Variants in GPD1 observed in about 807,000 individuals in gnomAD.
GPD1 encodes the protein glycerol-3-phosphate dehydrogenase 1, also known as glycerol-3-phosphate dehydrogenase [NAD(+)], cytoplasmic.
A neutral mutation model predicts 34.4 loss-of-function variants in GPD1; 19 were observed. The ratio of observed to expected loss-of-function variants is 0.55; its 90% confidence interval spans 0.39 to 0.81. GPD1 has a LOEUF of 0.81. Among genes scored for constraint, GPD1 ranks in the 30% least tolerant of loss-of-function variants. GPD1 has a pLI of 0.00. For synonymous variants in GPD1, 172 were observed against 174.1 expected, an observed-to-expected ratio of 0.99 and a Z score of 0.09; for missense variants, 429 against 447.0, an observed-to-expected ratio of 0.96 and a Z score of 0.36.
Position 50,104,738 on chromosome 12 carries a change from T to C in GPD1, c.206T>C (p.Leu69Ser). The C allele has an allele frequency of 6.2e-7, 1 of 1,613,848 alleles. No individual in the cohort carries two copies. The change falls in exon 2 of 8, where the codon TTG becomes TCG. Residue 69 changes from leucine (L) to serine (S), a missense_variant. Transcript: ENST00000301149. ...GTCAAATACCTGCCAGGGCACAAGTTGCCCCCAAATGTGGTGAGCCCCAAC... is the reference window on the plus strand; with the variant it reads ...GTCAAATACCTGCCAGGGCACAAGTCGCCCCCAAATGTGGTGAGCCCCAAC... ...ENVKYLPGHK[L>S]PPNVVAVPDV... is the part of the protein sequence containing the mutation.
In GPD1 at chr12:50,104,703, G is replaced by T. The variant is rs1269312254; in HGVS notation, c.171G>T (p.Gln57His). ...AGCTGACTGAGATCATCAACACGCA[G>T]CATGAGAATGTCAAATACCTGCCAG... ...GKKLTEIINT[Q>H]HENVKYLPGH... Residue 57 changes from glutamine to histidine, a missense_variant, in exon 2 of 8, where the codon CAG becomes CAT. Coordinates refer to ENST00000301149, the MANE Select transcript of GPD1 (RefSeq NM_005276.4). 6.2e-7 allele frequency: 1 copy of T among 1,614,164 alleles called. No homozygotes were observed. Among genetic ancestry groups the T allele is most frequent in the Admixed American group, 1.7e-5 (1 of 60,024 alleles).
At chr12:50,107,837 CTG>C (rs780076302) in intron 6 of GPD1, 37 bp downstream of exon 6, 3 of 1,440,380 alleles carry the variant, frequency 2.1e-6, no homozygotes, top group Non-Finnish European at 2.9e-6. Context: ...AGGGGCGGCT[CTG>C]TAGGCATCCA....
At chr12:50,106,500 T>C (rs1950979927) in intron 4 of GPD1, 74 bp downstream of exon 4, 7 of 1,324,562 alleles carry the variant, frequency 5.3e-6, no homozygotes, top group Non-Finnish European at 7.5e-6. Context: ...CAACCCCACT[T>C]AGCCATCTCT....
At chr12:50,107,841 A>T in intron 6 of GPD1, 41 bp downstream of exon 6, 1 of 1,397,590 alleles carries the variant, frequency 7.2e-7, no homozygotes, top group Non-Finnish European at 1.0e-6. Context: ...GCGGCTCTGT[A>T]GGCATCCAGG....
Position 50,106,818 on chromosome 12 carries a change from G to T in GPD1, c.513G>T (p.Pro171=), listed in dbSNP as rs753210151. 6.2e-7 allele frequency: 1 copy of T among 1,601,932 alleles called. No individual in the cohort carries two copies. The highest frequency in any genetic ancestry group is 8.5e-7 in the Non-Finnish European group (1 of 1,171,446). ...FCETTIGCKD[P]AQGQLLKELM... is the part of the protein sequence containing the mutation. ...TCCTCACTTTAGGCTGCAAGGACCC[G>T]GCCCAGGGACAACTCCTGAAAGAGC... Residue 171 remains proline, a synonymous_variant, in exon 5 of 8, where the codon CCG becomes CCT. Transcript: ENST00000301149.
chr12:50,104,777 CAG>C (rs760936674), intron 2 of GPD1, 26 bp downstream of exon 2: 6 of 1,600,304 alleles, frequency 3.7e-6, no homozygotes, highest in South Asian at 3.3e-5. Flanking sequence ...CTGCGAAGAA[CAG>C]GGAGAGGAAG....
chr12:50,105,241 C>A, intron 2 of GPD1: 1 of 377,054 alleles, frequency 2.7e-6, no homozygotes, highest in Non-Finnish European at 4.8e-6. Flanking sequence ...TGAGCTCTTT[C>A]TTTTGCCAAG....
At chr12:50,106,250 C>G in intron 3 of GPD1, 38 bp from the exon 4 acceptor site, 1 of 1,553,990 alleles carries the variant, frequency 6.4e-7, no homozygotes, top group African/African-American at 1.4e-5. Context: ...GCAGGTGGGC[C>G]CAAAGGGCAC....
At chr12:50,106,160 T>C in intron 3 of GPD1, 128 bp from the exon 4 acceptor site, 1 of 810,758 alleles carries the variant, frequency 1.2e-6, no homozygotes, top group Non-Finnish European at 1.9e-6. Flanking sequence ...TTGAGCTGGG[T>C]TGGAATGGGG....
Position 50,106,366 on chromosome 12 carries a change from C to T in GPD1, c.439C>T (p.Leu147=). Residue 147 remains leucine, a synonymous_variant, in exon 4 of 8, where the codon CTG becomes TTG. Coordinates refer to ENST00000301149, the MANE Select transcript of GPD1 (RefSeq NM_005276.4). ...GCGCCTCGGCATCCCCATGAGTGTGCTGATGGGGGCCAACATTGCCAGCGA... is the reference window on the plus strand; with the variant it reads ...GCGCCTCGGCATCCCCATGAGTGTGTTGATGGGGGCCAACATTGCCAGCGA... ...GERLGIPMSV[L]MGANIASEVA... 6.2e-7 allele frequency: 1 copy of T among 1,613,506 alleles called. No homozygotes were observed.
rs1264939042 is a variant in GPD1 at position 50,107,724 on chromosome 12, G to A, written c.770G>A (p.Gly257Asp). 2 of 1,614,134 alleles carry A rather than the reference G, an allele frequency of 1.2e-6. No individual in the cohort carries two copies. The highest frequency in any genetic ancestry group is 1.3e-5 in the African/African-American group (1 of 75,032). The change falls in exon 6 of 8, where the codon GGT becomes GAT. Residue 257 changes from glycine (G) to aspartate (D), a missense_variant. Gly to Asp is a moderately conservative substitution (Grantham distance 94). Coordinates refer to ENST00000301149, the MANE Select transcript of GPD1 (RefSeq NM_005276.4). The stretch of plus-strand genomic sequence containing the variant: ...TCTGCCACCTTCTTGGAGAGCTGTG[G>A]TGTTGCTGACCTGATCACTACCTGC... The part of the protein sequence containing the change: ...VSSATFLESC[G>D]VADLITTCYG...
intron 1 of GPD1, 84 bp downstream of exon 1, chr12:50,104,175 C>A (rs1047907964): frequency 2.4e-6 from 3 of 1,244,088 alleles, no homozygotes; most frequent in African/African-American, 2.9e-5. Context: ...GTGGGAAAGG[C>A]CCTCAGGTTC....
Position 50,104,769 on chromosome 12 carries a change from G to A in GPD1, c.219+18G>A. 3.1e-6 allele frequency: 5 copies of A among 1,607,430 alleles called. No individual in the cohort carries two copies. Among genetic ancestry groups the A allele is most frequent in the Non-Finnish European group, 4.3e-6 (5 of 1,174,900 alleles). Reference sequence around the variant, plus strand: ...CAAATGTGGTGAGCCCCAACACCCTGCGAAGAACAGGGAGAGGAAGGGAGG... The same window carrying A: ...CAAATGTGGTGAGCCCCAACACCCTACGAAGAACAGGGAGAGGAAGGGAGG... On this transcript the variant is annotated intron_variant, in intron 2 of 7. Coordinates refer to ENST00000301149, the MANE Select transcript of GPD1 (RefSeq NM_005276.4).
Position 50,107,466 on chromosome 12 carries a change from T to C in GPD1, c.613-101T>C, listed in dbSNP as rs2232208. The C allele has an allele frequency of 3.8e-3, 3,467 of 919,094 alleles. 73 individuals carry two copies. In the African/African-American group the frequency reaches 0.049, roughly 13 times the overall value. 56.9% of individuals were successfully genotyped at this position (919,094 alleles called of 1,614,324 possible). ...AAAAGGCCACACACTATACCTCTCT[T>C]CTGCAGTGGGTGTCACGGCTGATGA... On this transcript the variant is annotated intron_variant, in intron 5 of 7. Coordinates refer to ENST00000301149, the MANE Select transcript of GPD1 (RefSeq NM_005276.4).
rs767725156 is a variant in GPD1, at chr12:50,104,708, A to G, written c.176A>G (p.Glu59Gly). The stretch of plus-strand genomic sequence containing the variant: ...ACTGAGATCATCAACACGCAGCATG[A>G]GAATGTCAAATACCTGCCAGGGCAC... ...KLTEIINTQH[E>G]NVKYLPGHKL... Residue 59 changes from glutamate to glycine, a missense_variant, in exon 2 of 8, where the codon GAG (glutamate) becomes GGG (glycine). Transcript: ENST00000301149. 1.2e-6 allele frequency: 2 copies of G among 1,614,196 alleles called. No individual in the cohort carries two copies. Among genetic ancestry groups the G allele is most frequent in the Non-Finnish European group, 1.7e-6 (2 of 1,180,014 alleles).
At chr12:50,108,961 C>G (rs1034877530) in intron 7 of GPD1, among the ~76,000 whole-genome samples, 21 of 151,774 alleles carry the variant, frequency 1.4e-4, no homozygotes, top group African/African-American at 4.8e-4. Flanking sequence ...ATGGTGAAAC[C>G]CCATCTCTAC....
At chr12:50,105,512 T>G (rs1358619818) in intron 2 of GPD1, 36 bp from the exon 3 acceptor site, 1 of 1,595,788 alleles carries the variant, frequency 6.3e-7, no homozygotes, top group Non-Finnish European at 8.5e-7. Context: ...CTAGGGGAGG[T>G]CTGCCAGGCC....
In GPD1 at chr12:50,109,415, C is replaced by T; in HGVS notation, c.954-8C>T. 1 of 1,462,130 alleles carries T rather than the reference C, an allele frequency of 6.8e-7. No homozygotes were observed. Among genetic ancestry groups the T allele is most frequent in the African/African-American group, 1.4e-5 (1 of 72,084 alleles). The allele number at this position is 1,462,130 out of a possible 1,614,324, so 90.6% of individuals were successfully genotyped here. On this transcript the variant is annotated splice_polypyrimidine_tract_variant and splice_region_variant and intron_variant, in intron 7 of 7. Transcript: ENST00000301149. The stretch of plus-strand genomic sequence containing the variant: ...AGGCTAAGCTGAGCCTTTCCCTCTC[C>T]AATCTAGGTTTCCCTTGTTCATGGC...
intron 1 of GPD1, 57 bp downstream of exon 1, chr12:50,104,148 G>C: frequency 6.6e-7 from 1 of 1,526,564 alleles, no homozygotes; most frequent in Non-Finnish European, 9.1e-7. Flanking sequence ...GACAGAGGTG[G>C]GTAGGAGGCA....
Sources: allele counts gnomAD v4.1 joint callset (sites outside exome capture counted in the v4.1 genomes callset), GRCh38; gene constraint gnomAD v4.1.1; transcripts MANE v1.5; gene names NCBI Gene and HGNC (gene_info 2026-07-23, HGNC 2026-07-21).